The following PCSK2 variants were observed in gnomAD, a reference collection of about 807,000 sequenced individuals.
The protein encoded by PCSK2 is neuroendocrine convertase 2.
In PCSK2, 14 loss-of-function variants were observed where a neutral mutation model predicts 69.7. The observed-to-expected ratio is 0.20, with a 90% confidence interval of 0.13 to 0.31. The LOEUF is 0.31. PCSK2 is among the 10% of genes least tolerant of loss of function. PCSK2 has a pLI of 1.00. For missense variants in PCSK2, 544 were observed against 842.5 expected (o/e 0.65, Z 4.39); for synonymous variants, 307 against 320.7 (o/e 0.96, Z 0.46).
At chr20:17,433,113 T>A (rs989222234) in intron 7 of PCSK2, among the ~76,000 whole-genome samples, 9 of 152,138 alleles carry the variant, frequency 5.9e-5, no homozygotes, top group Non-Finnish European at 1.3e-4. Flanking sequence ...GCACACAGAT[T>A]TACACACCGG....
At chr20:17,356,781 A>C (rs1454246099) in intron 2 of PCSK2, among the ~76,000 whole-genome samples, 1 of 152,180 alleles carries the variant, frequency 6.6e-6, no homozygotes, top group Non-Finnish European at 1.5e-5. Flanking sequence ...TTTTACTAGA[A>C]GAGCCTGGTG....
At chr20:17,452,552 C>T (rs1323868416) in intron 8 of PCSK2, among the ~76,000 whole-genome samples, 5 of 152,192 alleles carry the variant, frequency 3.3e-5, no homozygotes, top group Non-Finnish European at 5.9e-5. Flanking sequence ...CAGTTTCAAG[C>T]GTAAGGACCA....
At chr20:17,255,344 A>ATT (rs775400787) in intron 1 of PCSK2, among the ~76,000 whole-genome samples, 35 of 143,924 alleles carry the variant, frequency 2.4e-4, no homozygotes, top group African/African-American at 7.1e-4. Context: ...TTCATTCCTA[A>ATT]TTTTTTTTTT....
chr20:17,427,689 A>G (rs1012990519), intron 6 of PCSK2, among the ~76,000 whole-genome samples: 7 of 152,220 alleles, frequency 4.6e-5, no homozygotes, highest in African/African-American at 1.7e-4. Context: ...GGACCAGGCT[A>G]GGCTTGTCTT....
chr20:17,420,843 G>A (rs763410473), intron 6 of PCSK2, among the ~76,000 whole-genome samples: 10 of 152,192 alleles, frequency 6.6e-5, no homozygotes, highest in Admixed American at 1.3e-4. Context: ...CCACCTTGAA[G>A]GCTTGTACTG....
Position 17,227,190 on chromosome 20 carries a change from T to A in PCSK2, c.-116T>A, listed in dbSNP as rs1471468854. 1 of 676,448 alleles carries A rather than the reference T, an allele frequency of 1.5e-6. No homozygotes were observed. Among genetic ancestry groups the A allele is most frequent in the Non-Finnish European group, 2.5e-6 (1 of 397,232 alleles). The allele number at this position is 676,448 out of a possible 1,614,324, so 41.9% of individuals were successfully genotyped here. On this transcript the variant is annotated 5_prime_UTR_variant, in exon 1 of 12. Transcript: ENST00000262545. ...AGACCCTGTTCAGTCTCTTTCTCTA[T>A]ACAAAGATTTTTTTAAAAACTATAT...
intron 7 of PCSK2, among the ~76,000 whole-genome samples, chr20:17,430,949 CCTT>C (rs2032351374): frequency 6.6e-6 from 1 of 152,288 alleles, no homozygotes; most frequent in Admixed American, 6.5e-5. Context: ...TTTTCCATCT[CCTT>C]CTTTTCCTTT....
rs1451891120 is a variant in PCSK2, at chr20:17,373,229, G to A, written c.543+3952G>A. On this transcript the variant is annotated intron_variant, in intron 5 of 11. Coordinates refer to ENST00000262545, the MANE Select transcript of PCSK2 (RefSeq NM_002594.5). The stretch of plus-strand genomic sequence containing the variant: ...CGGGAAGGAAAGGTAGCTTGTAAAC[G>A]GGGCAGTTATCAAACAAGACAGCAC... Among the ~76,000 whole-genome samples the A allele has an allele frequency of 2.6e-5, 4 of 152,300 alleles. No individual in the cohort carries two copies. In the South Asian group the frequency reaches 6.2e-4, roughly 24 times the overall value.
chr20:17,459,900 G>T (rs2032985114), intron 10 of PCSK2, among the ~76,000 whole-genome samples: 1 of 152,216 alleles, frequency 6.6e-6, no homozygotes, highest in South Asian at 2.1e-4. Context: ...TGCAGAGTGT[G>T]GGTAGCTGGC....
At chr20:17,360,689 C>T (rs901797104) in intron 4 of PCSK2, 49 bp downstream of exon 4, 1 of 1,118,394 alleles carries the variant, frequency 8.9e-7, no homozygotes, top group Non-Finnish European at 1.3e-6. Context: ...CGTGCCTTTG[C>T]TTGCCTTTTG....
chr20:17,258,451 C>T (rs1025789846), intron 1 of PCSK2, among the ~76,000 whole-genome samples: 2 of 151,990 alleles, frequency 1.3e-5, no homozygotes, highest in Admixed American at 6.6e-5. Context: ...AGTTTCCCCA[C>T]CCCAACACAC....
At chr20:17,259,476 A>G (rs1050866522) in intron 1 of PCSK2, among the ~76,000 whole-genome samples, 1 of 152,194 alleles carries the variant, frequency 6.6e-6, no homozygotes, top group African/African-American at 2.4e-5. Context: ...ACTGATGGTA[A>G]CAGACCTGAG....
At chr20:17,276,458 A>ACACG (rs1988081193) in intron 2 of PCSK2, among the ~76,000 whole-genome samples, 1 of 151,700 alleles carries the variant, frequency 6.6e-6, no homozygotes, top group African/African-American at 2.4e-5. Flanking sequence ...ACACACACAC[A>ACACG]CACACACACA....
chr20:17,427,743 G>A (rs1016271621), intron 6 of PCSK2, among the ~76,000 whole-genome samples: 1 of 152,178 alleles, frequency 6.6e-6, no homozygotes, highest in East Asian at 1.9e-4. Flanking sequence ...GCAGGTTGCT[G>A]GGGGCTGATT....
intron 1 of PCSK2, among the ~76,000 whole-genome samples, chr20:17,248,372 A>G (rs1986847854): frequency 6.6e-6 from 1 of 152,200 alleles, no homozygotes; most frequent in Non-Finnish European, 1.5e-5. Flanking sequence ...TCAGGAATGC[A>G]TCGATCAGCC....
At chr20:17,474,878 G>A (rs1477268478) in intron 11 of PCSK2, among the ~76,000 whole-genome samples, 1 of 152,160 alleles carries the variant, frequency 6.6e-6, no homozygotes, top group Non-Finnish European at 1.5e-5. Flanking sequence ...CCCATATTCT[G>A]TATCACCAAC....
intron 5 of PCSK2, among the ~76,000 whole-genome samples, chr20:17,380,801 G>A (rs1221268053): frequency 1.3e-5 from 2 of 152,156 alleles, no homozygotes; most frequent in Non-Finnish European, 2.9e-5. Context: ...TTTGCAGAAA[G>A]CATTTTTTAA....
chr20:17,380,317 A>C (rs953372301), intron 5 of PCSK2, among the ~76,000 whole-genome samples: 4 of 152,150 alleles, frequency 2.6e-5, no homozygotes, highest in Non-Finnish European at 4.4e-5. Context: ...CTTTTTCTTA[A>C]TATGTTTGCT....
At chr20:17,357,560 T>A (rs1477566462) in intron 2 of PCSK2, among the ~76,000 whole-genome samples, 1 of 152,218 alleles carries the variant, frequency 6.6e-6, no homozygotes. Flanking sequence ...TTCCATTGTT[T>A]TATTTCACTT....
Sources: gnomAD v4.1 joint callset for allele counts (sites outside exome capture counted in the v4.1 genomes callset) on GRCh38, gnomAD v4.1.1 for gene constraint, MANE v1.5 for transcripts, NCBI Gene and HGNC (gene_info 2026-07-23, HGNC 2026-07-21) for gene names.